Variants in STRBP observed in about 807,000 individuals in gnomAD.
The protein encoded by STRBP is spermatid perinuclear RNA binding protein.
In STRBP, 13 loss-of-function variants were observed where a neutral mutation model predicts 80.1. That is an observed-to-expected ratio of 0.16 (90% CI 0.11 to 0.26). The LOEUF is 0.26. Among genes scored for constraint, STRBP ranks in the 10% least tolerant of loss-of-function variants. The pLI, the probability that STRBP is intolerant of heterozygous loss-of-function variation, is 1.00. For synonymous variants in STRBP, 284 were observed against 291.2 expected (o/e 0.98, Z 0.25); for missense variants, 485 against 815.2 (o/e 0.59, Z 4.93).
At chr9:123,199,537 G>T (rs955923724) in intron 2 of STRBP, among the ~76,000 whole-genome samples, 4 of 152,102 alleles carry the variant, frequency 2.6e-5, no homozygotes, top group Non-Finnish European at 4.4e-5. Flanking sequence ...CCATTTGTTT[G>T]TATCATCTAC....
In STRBP at chr9:123,128,234, C is replaced by T; in HGVS notation, c.1922G>A (p.Ser641Asn). Residue 641 changes from serine to asparagine, a missense_variant, in exon 18 of 19, where the codon AGC becomes AAC. Ser to Asn is a conservative substitution (Grantham distance 46). Around this residue, in one of 3 missense-constraint regions of STRBP, gnomAD observed 85 missense variants for 120.1 expected, o/e 0.71. Transcript: ENST00000348403. ...APGYGTPYGY[S>N]TAAPAYGLPK... ...CGTACCATAGGCAGGGGCAGCTGTG[C>T]TGTAACCATATGGTGTTCCATAGCC... 1 of 1,614,168 alleles carries T rather than the reference C, an allele frequency of 6.2e-7. No individual in the cohort carries two copies. The highest frequency in any genetic ancestry group is 8.5e-7 in the Non-Finnish European group (1 of 1,180,032).
intron 6 of STRBP, among the ~76,000 whole-genome samples, chr9:123,166,552 G>A (rs1001288658): frequency 1.3e-5 from 2 of 152,106 alleles, no homozygotes; most frequent in African/African-American, 2.4e-5. Flanking sequence ...TCAGGAGTTC[G>A]AGGCCAGCCT....
intron 1 of STRBP, among the ~76,000 whole-genome samples, chr9:123,251,611 T>C (rs769437611): frequency 6.6e-6 from 1 of 152,200 alleles, no homozygotes; most frequent in Non-Finnish European, 1.5e-5. Context: ...AGAGGGTTAG[T>C]ATAGCTGATC....
chr9:123,140,160 T>G (rs1228128600), intron 13 of STRBP, among the ~76,000 whole-genome samples: 1 of 152,260 alleles, frequency 6.6e-6, no homozygotes, highest in Non-Finnish European at 1.5e-5. Context: ...CTAAGTTATA[T>G]GACTCAATCC....
chr9:123,207,953 G>A (rs565956218), intron 2 of STRBP, among the ~76,000 whole-genome samples: 6 of 152,086 alleles, frequency 3.9e-5, no homozygotes, highest in South Asian at 2.1e-4. Context: ...ATGTGAACAC[G>A]TAAGATACGT....
exon 4 of STRBP, chr9:123,109,663 G>A (rs938026136): frequency 6.6e-6 from 1 of 152,264 alleles, no homozygotes; most frequent in Non-Finnish European, 1.5e-5. Flanking sequence ...TGGAGGACTT[G>A]TGGCAGCAGG....
chr9:123,194,034 T>G (rs2039013212), intron 2 of STRBP, among the ~76,000 whole-genome samples: 1 of 152,158 alleles, frequency 6.6e-6, no homozygotes, highest in Admixed American at 6.5e-5. Flanking sequence ...AATCCTGGCA[T>G]TTGGGACCCT....
At chr9:123,176,761 T>C (rs1339716646) in intron 4 of STRBP, among the ~76,000 whole-genome samples, 2 of 152,216 alleles carry the variant, frequency 1.3e-5, no homozygotes, top group African/African-American at 2.4e-5. Context: ...CAAACAGTTC[T>C]GAATTTCAAT....
At chr9:123,114,856 G>A (rs1373612823) in intron 3 of STRBP, 5 of 267,470 alleles carry the variant, frequency 1.9e-5, no homozygotes, top group African/African-American at 6.7e-5. Context: ...TCATCTTCCC[G>A]TCCCTACCCA....
intron 2 of STRBP, among the ~76,000 whole-genome samples, chr9:123,206,089 C>G (rs1348115771): frequency 6.6e-6 from 1 of 152,162 alleles, no homozygotes; most frequent in Non-Finnish European, 1.5e-5. Context: ...CAATTGTGAA[C>G]AAACCTCAAT....
At chr9:123,225,714 T>C (rs2040214823) in intron 2 of STRBP, among the ~76,000 whole-genome samples, 1 of 152,204 alleles carries the variant, frequency 6.6e-6, no homozygotes, top group African/African-American at 2.4e-5. Context: ...TAGAATCTTG[T>C]TCCTGGATGC....
intron 1 of STRBP, among the ~76,000 whole-genome samples, chr9:123,237,244 C>A (rs767047006): frequency 6.6e-6 from 1 of 152,136 alleles, no homozygotes; most frequent in Non-Finnish European, 1.5e-5. Flanking sequence ...GTTACAGCTG[C>A]GGCAGAAAAT....
rs1386406408 is a variant in STRBP at position 123,168,224 on chromosome 9, T to C, written c.535+1678A>G. The C allele has an allele frequency of 5.1e-6, 5 of 983,820 alleles. No homozygotes were observed. In the African/African-American group the frequency reaches 7.0e-5, roughly 14 times the overall value. The allele number at this position is 983,820 out of a possible 1,614,324, so 60.9% of individuals were successfully genotyped here. A position where few individuals can be genotyped will look rare whatever the true frequency, so the allele number is the denominator to read the frequency against. Reference sequence around the variant, plus strand: ...ATTTATCTTGACACTTCAGAAATCATTTTATAGTTCTACAGTTAATGGTGA... The same window carrying C: ...ATTTATCTTGACACTTCAGAAATCACTTTATAGTTCTACAGTTAATGGTGA... On this transcript the variant is annotated intron_variant, in intron 6 of 18. Transcript: ENST00000348403.
intron 2 of STRBP, among the ~76,000 whole-genome samples, chr9:123,210,760 C>T (rs1455236034): frequency 1.3e-5 from 2 of 151,166 alleles, no homozygotes; most frequent in African/African-American, 2.4e-5. Flanking sequence ...ACCTGGGAGA[C>T]GGAGGCTGCA....
intron 13 of STRBP, among the ~76,000 whole-genome samples, chr9:123,141,955 C>T (rs2036607153): frequency 6.6e-6 from 1 of 152,172 alleles, no homozygotes; most frequent in South Asian, 2.1e-4. Context: ...ATCCTCTGAG[C>T]CATGTTTTCA....
chr9:123,147,870 C>T lies in STRBP; in HGVS notation c.1046G>A (p.Gly349Asp). 6.2e-7 allele frequency: 1 copy of T among 1,609,938 alleles called. No homozygotes were observed. ...KYSWSVTDKE[G>D]AGSSALKRPF... The stretch of plus-strand genomic sequence containing the variant: ...CCTCTTTAGAGCTGAAGACCCAGCA[C>T]CTAAAAAAAATTATGAGGGATTCAT... Residue 349 changes from glycine (G) to aspartate (D), a missense_variant and splice_region_variant, in exon 12 of 19, where the codon GGT (glycine) becomes GAT (aspartate). Physicochemically the swap from Gly to Asp is moderately conservative, Grantham distance 94. Transcript: ENST00000348403.
At chr9:123,158,522 G>GA (rs1246121818) in intron 9 of STRBP, 93 bp from the exon 10 acceptor site, 3 of 1,070,234 alleles carry the variant, frequency 2.8e-6, no homozygotes, top group African/African-American at 3.3e-5. Context: ...AGAATGAAGA[G>GA]AAAATGAAAA....
intron 6 of STRBP, among the ~76,000 whole-genome samples, chr9:123,167,749 G>T (rs1052327625): frequency 6.6e-6 from 1 of 152,020 alleles, no homozygotes; most frequent in Non-Finnish European, 1.5e-5. Context: ...TCAGCTCATA[G>T]AGGTCTTTGG....
chr9:123,217,670 T>C (rs1288563115), intron 2 of STRBP, among the ~76,000 whole-genome samples: 1 of 152,254 alleles, frequency 6.6e-6, no homozygotes, highest in Non-Finnish European at 1.5e-5. Flanking sequence ...TATAATTAGC[T>C]ACTAGTTAGG....
Sources: allele counts gnomAD v4.1 joint callset (sites outside exome capture counted in the v4.1 genomes callset), GRCh38; gene constraint gnomAD v4.1.1; regional missense constraint gnomAD v4.1.1; transcripts MANE v1.5; gene names NCBI Gene and HGNC (gene_info 2026-07-23, HGNC 2026-07-21).